The following TTC39C variants were observed in gnomAD, a reference collection of about 807,000 sequenced individuals.
TTC39C encodes the protein tetratricopeptide repeat protein 39C.
Under a neutral mutation model 76.3 loss-of-function variants are expected in TTC39C, and 33 were observed. That is an observed-to-expected ratio of 0.43 (90% CI 0.33 to 0.58). TTC39C has a LOEUF of 0.58. Ranked by LOEUF, TTC39C falls within the 20% of genes least tolerant of loss-of-function variation. The pLI is 0.04. For synonymous variants in TTC39C, 254 were observed against 260.6 expected (o/e 0.97, Z 0.24); for missense variants, 595 against 701.4 (o/e 0.85, Z 1.71).
chr18:24,125,616 T>C, intron 10 of TTC39C, 66 bp downstream of exon 10: 1 of 1,584,648 alleles, frequency 6.3e-7, no homozygotes, highest in Non-Finnish European at 8.6e-7. Flanking sequence ...CAGTGCGGCA[T>C]TCTTCAGTTT....
At chr18:24,110,438 G>A (rs2084795426) in intron 6 of TTC39C, among the ~76,000 whole-genome samples, 1 of 152,132 alleles carries the variant, frequency 6.6e-6, no homozygotes, top group Non-Finnish European at 1.5e-5. Flanking sequence ...AGAAGAGACA[G>A]TACTGTCACT....
chr18:24,101,914 A>G (rs1329021035), intron 6 of TTC39C, among the ~76,000 whole-genome samples: 1 of 152,218 alleles, frequency 6.6e-6, no homozygotes, highest in African/African-American at 2.4e-5. Flanking sequence ...TGTGTTTCAC[A>G]TACATTTTCC....
intron 1 of TTC39C, among the ~76,000 whole-genome samples, chr18:24,048,176 G>A (rs529172784): frequency 6.6e-6 from 1 of 152,254 alleles, no homozygotes; most frequent in East Asian, 1.9e-4. Context: ...CTACTAGAAT[G>A]GAAATTTAAA....
At chr18:24,022,963 T>C (rs541570719) in intron 1 of TTC39C, 2 of 818,652 alleles carry the variant, frequency 2.4e-6, no homozygotes, top group Non-Finnish European at 3.0e-6. Context: ...TGCATCAAAA[T>C]TGTTTACACA....
At chr18:24,006,055 C>T (rs2083349616) in intron 1 of TTC39C, among the ~76,000 whole-genome samples, 2 of 150,968 alleles carry the variant, frequency 1.3e-5, no homozygotes, top group South Asian at 4.2e-4. Context: ...CTCTGTCACC[C>T]AGGCTGGAGT....
At chr18:24,015,213 C>G (rs941751093) in intron 1 of TTC39C, 175 bp downstream of exon 1, 13 of 534,896 alleles carry the variant, frequency 2.4e-5, no homozygotes, top group Admixed American at 4.4e-5. Context: ...TGCCACATCT[C>G]CTCGTCCACC....
intron 1 of TTC39C, among the ~76,000 whole-genome samples, chr18:24,054,687 T>C (rs2083994581): frequency 6.6e-6 from 1 of 152,274 alleles, no homozygotes; most frequent in South Asian, 2.1e-4. Context: ...TGGTTATTTA[T>C]GAGTCATTTA....
At chr18:24,003,885 C>A (rs534121434) in intron 1 of TTC39C, among the ~76,000 whole-genome samples, 1 of 152,280 alleles carries the variant, frequency 6.6e-6, no homozygotes. Flanking sequence ...GTAGCTAGAA[C>A]AACAGGGGCC....
intron 4 of TTC39C, among the ~76,000 whole-genome samples, chr18:24,077,764 A>G (rs1250516078): frequency 2.0e-5 from 3 of 152,176 alleles, no homozygotes; most frequent in Non-Finnish European, 4.4e-5. Flanking sequence ...TCAAGAATAT[A>G]TATTCTAGTT....
At chr18:24,071,931 A>G (rs185953812) in intron 4 of TTC39C, among the ~76,000 whole-genome samples, 43 of 152,342 alleles carry the variant, frequency 2.8e-4, no homozygotes, top group Admixed American at 7.2e-4. Context: ...TGAAATTCTC[A>G]TAGGCATGAA....
intron 6 of TTC39C, among the ~76,000 whole-genome samples, chr18:24,101,830 G>A (rs78009203): frequency 3.7e-3 from 571 of 152,296 alleles, no homozygotes; most frequent in African/African-American, 0.013. Context: ...AATTCTTTGT[G>A]TTATCTTCTT....
chr18:24,023,872 A>G (rs1361710921), intron 1 of TTC39C, among the ~76,000 whole-genome samples: 1 of 147,058 alleles, frequency 6.8e-6, no homozygotes, highest in African/African-American at 2.5e-5. Context: ...AAATTGATAG[A>G]TGAAATAACC....
intron 6 of TTC39C, among the ~76,000 whole-genome samples, chr18:24,091,144 G>A (rs925273245): frequency 3.3e-5 from 5 of 152,222 alleles, no homozygotes; most frequent in South Asian, 2.1e-4. Context: ...ATCAAGACAC[G>A]TCAGTGGGCA....
chr18:23,999,844 C>T (rs1182786836), intron 1 of TTC39C, among the ~76,000 whole-genome samples: 1 of 152,220 alleles, frequency 6.6e-6, no homozygotes, highest in Non-Finnish European at 1.5e-5. Flanking sequence ...CCAAGTAGTT[C>T]CCTTCCTGAT....
intron 12 of TTC39C, among the ~76,000 whole-genome samples, chr18:24,130,752 G>A (rs1452462103): frequency 6.6e-6 from 1 of 151,894 alleles, no homozygotes; most frequent in Non-Finnish European, 1.5e-5. Context: ...CAACCAGGCT[G>A]TATCTATAGC....
chr18:24,034,270 C>A (rs1300575491), intron 1 of TTC39C, among the ~76,000 whole-genome samples: 2 of 152,194 alleles, frequency 1.3e-5, no homozygotes, highest in Non-Finnish European at 2.9e-5. Context: ...GACAGAGATG[C>A]GTACTTTACA....
chr18:24,135,351 G>T lies in TTC39C; in HGVS notation c.*2777G>T, dbSNP rs2085187834. 1 of 152,492 alleles carries T rather than the reference G, an allele frequency of 6.6e-6. No homozygotes were observed. Among genetic ancestry groups the T allele is most frequent in the Non-Finnish European group, 1.5e-5 (1 of 68,034 alleles). The allele number at this position is 152,492 out of a possible 1,614,324, so 9.4% of individuals were successfully genotyped here. On this transcript the variant is annotated 3_prime_UTR_variant, in exon 14 of 14. Coordinates refer to ENST00000317571, the MANE Select transcript of TTC39C (RefSeq NM_001135993.2). ...AGGCTTGGTACAGATGGCGCCTGTG[G>T]TAAATCTGTGTTAACATGGTGGTAG...
chr18:24,092,361 A>C (rs1311800114), intron 6 of TTC39C, among the ~76,000 whole-genome samples: 4 of 152,084 alleles, frequency 2.6e-5, no homozygotes, highest in African/African-American at 9.7e-5. Flanking sequence ...CCAGTTCAAC[A>C]GTTCCTCAAA....
intron 1 of TTC39C, among the ~76,000 whole-genome samples, chr18:24,025,305 A>G (rs2145664907): frequency 6.6e-6 from 1 of 152,352 alleles, no homozygotes; most frequent in Middle Eastern, 3.4e-3. Context: ...TATCTTCAAT[A>G]ATTTATTTGG....
Sources: gnomAD v4.1 joint callset for allele counts (sites outside exome capture counted in the v4.1 genomes callset) on GRCh38, gnomAD v4.1.1 for gene constraint, MANE v1.5 for transcripts, NCBI Gene and HGNC (gene_info 2026-07-23, HGNC 2026-07-21) for gene names.